The following USP35 variants were observed in gnomAD, a reference collection of about 807,000 sequenced individuals.
The protein encoded by USP35 is ubiquitin carboxyl-terminal hydrolase 35.
Under a neutral mutation model 83.8 loss-of-function variants are expected in USP35, and 69 were observed. The ratio of observed to expected loss-of-function variants is 0.82; its 90% CI spans 0.68 to 1.01. The LOEUF (loss-of-function observed/expected upper bound fraction) is 1.01, where lower values mean the gene tolerates loss of function less well. Among genes scored for constraint, USP35 ranks in the 50% least tolerant of loss-of-function variants. The pLI, the probability that USP35 is intolerant of heterozygous loss-of-function variation, is 0.00. For synonymous variants in USP35, 714 were observed against 589.5 expected, an observed-to-expected ratio of 1.21 and a Z score of -3.06; for missense variants, 1,503 against 1,362.5, an observed-to-expected ratio of 1.10 and a Z score of -1.62.
At chr11:78,215,866 A>C (rs945610031), downstream of USP35, 2 of 152,696 alleles carry the variant, frequency 1.3e-5, no homozygotes, top group Non-Finnish European at 1.5e-5. Context: ...TGGAAATGGG[A>C]TAGGGGTGCT....
In USP35 at chr11:78,215,028, C is replaced by G. The variant is rs1360847059; in HGVS notation, c.*1215C>G. Among the ~76,000 whole-genome samples the G allele has an allele frequency of 6.6e-6, 1 of 152,074 alleles. No homozygotes were observed. The highest frequency in any genetic ancestry group is 1.5e-5 in the Non-Finnish European group (1 of 68,000). The stretch of plus-strand genomic sequence containing the variant: ...GGAGTTTGGGCCCAATGTCACAGAC[C>G]CTCAAGATGTCACATCTAAGTGACC... On this transcript the variant is annotated 3_prime_UTR_variant, in exon 11 of 11. Coordinates refer to ENST00000529308, the MANE Select transcript of USP35 (RefSeq NM_020798.4).
Position 78,209,004 on chromosome 11 carries a change from G to A in USP35, c.1592+41G>A, listed in dbSNP as rs372544112. The stretch of plus-strand genomic sequence containing the variant: ...CTACGCGAAGACTCCAGGTCTAGAG[G>A]GTCCTTGGGGGCAAGCCCAGTACCT... On this transcript the variant is annotated intron_variant, in intron 9 of 10. Transcript: ENST00000529308. 2.7e-4 allele frequency: 427 copies of A among 1,588,898 alleles called. 2 individuals carry two copies. The highest frequency in any genetic ancestry group is 1.3e-3 in the Middle Eastern group (8 of 5,954).
At chr11:78,215,504 C>T (rs752449609), downstream of USP35, 1 of 152,628 alleles carries the variant, frequency 6.6e-6, no homozygotes, top group Non-Finnish European at 1.5e-5. Flanking sequence ...TAGGCACCAA[C>T]AGTGATTTGA....
At chr11:78,227,918 C>A in the USP35 span, among the ~76,000 whole-genome samples, 1 of 152,132 alleles carries the variant, frequency 6.6e-6, no homozygotes, top group Non-Finnish European at 1.5e-5. Flanking sequence ...AGATCTCTTT[C>A]CAGAGACCTA....
rs752491296 is a variant in USP35, at chr11:78,200,141, T to C, written c.945T>C (p.Ser315=). 1 of 1,614,104 alleles carries C rather than the reference T, an allele frequency of 6.2e-7. No homozygotes were observed. Residue 315 remains serine, a synonymous_variant, in exon 5 of 11, where the codon TCT becomes TCC. Transcript: ENST00000529308. ...VSLTKIEKVF[S]KLLYPIVRGA... is the part of the protein sequence containing the mutation. ...CAGGGACTCTCTTGTAGGTTTTCTCTAAGCTGCTGTACCCCATCGTCCGGG... is the reference window on the plus strand; with the variant it reads ...CAGGGACTCTCTTGTAGGTTTTCTCCAAGCTGCTGTACCCCATCGTCCGGG...
At position 78,208,925 on chromosome 11, in the gene USP35, GCA is replaced by G; in HGVS notation, c.1555_1556del (p.Gln519GlyfsTer85). The G allele has an allele frequency of 6.2e-7, 1 of 1,614,230 alleles. No homozygotes were observed. The highest frequency in any genetic ancestry group is 8.5e-7 in the Non-Finnish European group (1 of 1,180,032). ...WTPWFSPGTQQDCSEYLKYLL... is the reference protein window; with the variant it reads ...WTPWFSPGTQXDCSEYLKYLL... ...CGCCCTGGTTCAGCCCTGGCACCCA[GCA>G]GGACTGCTCGGAGTATCTGAAGTAC... On this transcript the variant is annotated frameshift_variant, in exon 9 of 11. Transcript: ENST00000529308. LOFTEE classifies it high-confidence loss of function.
chr11:78,235,788 C>T, the USP35 span, among the ~76,000 whole-genome samples: 6 of 152,156 alleles, frequency 3.9e-5, no homozygotes, highest in Non-Finnish European at 8.8e-5. Context: ...ACAGCCATTC[C>T]ACAAGTCTCT....
At chr11:78,211,978 C>T (rs369525905) in intron 10 of USP35, among the ~76,000 whole-genome samples, 17 of 152,296 alleles carry the variant, frequency 1.1e-4, no homozygotes, top group Admixed American at 2.6e-4. Context: ...GCTTTTGTTG[C>T]AATTGCTTTT....
rs750311879 is a variant in USP35, at chr11:78,200,632, G to A, written c.1039-18G>A. 29 of 1,597,098 alleles carry A rather than the reference G, an allele frequency of 1.8e-5. No homozygotes were observed. The highest frequency in any genetic ancestry group is 2.3e-5 in the Non-Finnish European group (27 of 1,170,252). ...TGGGCGGGTTGGTGCTGAGCCTGACGCAGCTCTGCTCCCACAGCTCCTCCC... is the reference window on the plus strand; with the variant it reads ...TGGGCGGGTTGGTGCTGAGCCTGACACAGCTCTGCTCCCACAGCTCCTCCC... On this transcript the variant is annotated intron_variant, in intron 5 of 10. Coordinates refer to ENST00000529308, the MANE Select transcript of USP35 (RefSeq NM_020798.4).
chr11:78,189,520 C>T (rs1217467834), intron 1 of USP35, among the ~76,000 whole-genome samples: 1 of 152,194 alleles, frequency 6.6e-6, no homozygotes, highest in Non-Finnish European at 1.5e-5. Context: ...GGCCCGAGGC[C>T]ACCATTGCTT....
In USP35 at chr11:78,209,776, C is replaced by A. The variant is rs73507299; in HGVS notation, c.1921C>A (p.Arg641=). ...ACAGGGGCCAGGCAGGGTGGGTCCT[C>A]GGAGGCAAAGGAAACACTGCATCAC... ...SAQGPGRVGP[R]RQRKHCITED... The change falls in exon 10 of 11, where the codon CGG becomes AGG. Residue 641 remains arginine (R), a synonymous_variant. Transcript: ENST00000529308. The A allele has an allele frequency of 6.2e-7, 1 of 1,613,778 alleles. No individual in the cohort carries two copies. Among genetic ancestry groups the A allele is most frequent in the Admixed American group, 1.7e-5 (1 of 59,984 alleles).
intron 7 of USP35, 66 bp from the exon 8 acceptor site, chr11:78,207,464 C>T (rs1177783934): frequency 2.9e-5 from 45 of 1,525,814 alleles, no homozygotes; most frequent in Non-Finnish European, 3.8e-5. Context: ...CTGCCTGTGA[C>T]ATGGGTGACT....
At position 78,213,822 on chromosome 11, in the gene USP35, T is replaced by C; in HGVS notation, c.*9T>C. ...ACAGACTGGTCTTCTAATGTGAACC[T>C]GCTGCCAACCTGACCCCTTCCCTCC... On this transcript the variant is annotated 3_prime_UTR_variant, in exon 11 of 11. Coordinates refer to ENST00000529308, the MANE Select transcript of USP35 (RefSeq NM_020798.4). The C allele has an allele frequency of 6.5e-7, 1 of 1,550,146 alleles. No homozygotes were observed. The highest frequency in any genetic ancestry group is 8.6e-7 in the Non-Finnish European group (1 of 1,156,656).
chr11:78,189,089 C>T lies in USP35; in HGVS notation c.-79C>T. The T allele has an allele frequency of 2.0e-6, 1 of 509,342 alleles. No homozygotes were observed. Among genetic ancestry groups the T allele is most frequent in the Non-Finnish European group, 2.5e-6 (1 of 394,776 alleles). The allele number at this position is 509,342 out of a possible 1,614,324, so 31.6% of individuals were successfully genotyped here. A position where few individuals can be genotyped will look rare whatever the true frequency, so the allele number is the denominator to read the frequency against. ...GAGGACCAGCCCTGACCTAGCCGGG[C>T]CCAGCCTCGTCCTGCCCGGCCTGAG... is the stretch of plus-strand genomic sequence containing the variant. On this transcript the variant is annotated 5_prime_UTR_variant, in exon 1 of 11. Transcript: ENST00000529308.
downstream of USP35, among the ~76,000 whole-genome samples, chr11:78,219,742 C>T (rs1338252309): frequency 1.3e-5 from 2 of 152,146 alleles, no homozygotes; most frequent in Admixed American, 6.5e-5. Context: ...TCTGTCAGGT[C>T]GCTCATCCAG....
chr11:78,225,219 G>A, the USP35 span: 8 of 1,532,628 alleles, frequency 5.2e-6, no homozygotes, highest in South Asian at 1.1e-5. Flanking sequence ...GAGGAAGGAG[G>A]ATTCATAAGT....
chr11:78,230,612 G>A, the USP35 span, among the ~76,000 whole-genome samples: 2 of 152,240 alleles, frequency 1.3e-5, no homozygotes, highest in African/African-American at 4.8e-5. Context: ...AAGGCAGAGG[G>A]CCATATCCTG....
At chr11:78,209,301 TG>T in intron 9 of USP35, 146 bp from the exon 10 acceptor site, 1 of 845,808 alleles carries the variant, frequency 1.2e-6, no homozygotes, top group Non-Finnish European at 1.8e-6. Flanking sequence ...AGCATGTACG[TG>T]GATGTGTGGG....
In USP35 at chr11:78,210,689, C is replaced by G. The variant is rs370683163; in HGVS notation, c.2834C>G (p.Thr945Ser). 2 of 1,600,366 alleles carry G rather than the reference C, an allele frequency of 1.2e-6. No homozygotes were observed. The highest frequency in any genetic ancestry group is 2.7e-5 in the African/African-American group (2 of 74,288). Residue 945 changes from threonine (T) to serine (S), a missense_variant, in exon 10 of 11, where the codon ACC becomes AGC. Physicochemically the swap from Thr to Ser is moderately conservative, Grantham distance 58. Coordinates refer to ENST00000529308, the MANE Select transcript of USP35 (RefSeq NM_020798.4). ...LGSSRVRTEP[T>S]LHKDLMEAIS... is the part of the protein sequence containing the mutation. Reference sequence around the variant, plus strand: ...TCTTCTAGAGTCCGGACAGAGCCCACCCTGCACAAGGACTTGATGGAAGCC... The same window carrying G: ...TCTTCTAGAGTCCGGACAGAGCCCAGCCTGCACAAGGACTTGATGGAAGCC...
Sources: allele counts gnomAD v4.1 joint callset (sites outside exome capture counted in the v4.1 genomes callset), GRCh38; gene constraint gnomAD v4.1.1; transcripts MANE v1.5; gene names NCBI Gene and HGNC (gene_info 2026-07-23, HGNC 2026-07-21).